The following NOVA1 variants were observed in gnomAD, a reference collection of about 807,000 sequenced individuals.
The protein encoded by NOVA1 is RNA-binding protein Nova-1.
NOVA1 carries 7 observed loss-of-function variants against 38.0 expected under a neutral mutation model. The observed-to-expected ratio is 0.18, with a 90% confidence interval of 0.10 to 0.35. NOVA1 has a LOEUF of 0.35. NOVA1 is among the 10% of genes least tolerant of loss of function. The pLI, the probability that NOVA1 is intolerant of heterozygous loss-of-function variation, is 1.00. For synonymous variants in NOVA1, 270 were observed against 232.5 expected (o/e 1.16, Z -1.47); for missense variants, 460 against 616.0 (o/e 0.75, Z 2.68).
At chr14:26,454,566 A>C (rs1011938234) in intron 4 of NOVA1, among the ~76,000 whole-genome samples, 20 of 152,288 alleles carry the variant, frequency 1.3e-4, no homozygotes, top group Non-Finnish European at 2.2e-4. Flanking sequence ...TCACAGAGGA[A>C]ATACAACTCC....
At chr14:26,458,406 T>C (rs1250287188) in intron 4 of NOVA1, among the ~76,000 whole-genome samples, 1 of 152,076 alleles carries the variant, frequency 6.6e-6, no homozygotes, top group Non-Finnish European at 1.5e-5. Context: ...CTATTCAAAA[T>C]AGCAAAGACA....
intron 2 of NOVA1, among the ~76,000 whole-genome samples, chr14:26,580,793 C>T (rs1478584495): frequency 1.3e-5 from 2 of 151,832 alleles, no homozygotes; most frequent in Non-Finnish European, 2.9e-5. Flanking sequence ...ATTCTATCAC[C>T]TGCATTTTTA....
At chr14:26,501,754 A>T (rs1819585592) in intron 2 of NOVA1, among the ~76,000 whole-genome samples, 1 of 151,984 alleles carries the variant, frequency 6.6e-6, no homozygotes, top group Non-Finnish European at 1.5e-5. Context: ...TTTAAACATT[A>T]ATAACTATTT....
At chr14:26,458,736 A>G (rs138149643) in intron 4 of NOVA1, among the ~76,000 whole-genome samples, 18 of 152,138 alleles carry the variant, frequency 1.2e-4, no homozygotes, top group African/African-American at 4.1e-4. Context: ...ATTTGGGATC[A>G]TTCATACACC....
At chr14:26,480,891 T>A (rs1885404899) in intron 2 of NOVA1, among the ~76,000 whole-genome samples, 1 of 152,024 alleles carries the variant, frequency 6.6e-6, no homozygotes. Flanking sequence ...TTATGAAACT[T>A]GAAATTCACA....
chr14:26,566,451 T>C (rs929709083), intron 2 of NOVA1, among the ~76,000 whole-genome samples: 1 of 152,146 alleles, frequency 6.6e-6, no homozygotes, highest in African/African-American at 2.4e-5. Context: ...TCTTTAAGAA[T>C]ACATCCTTCT....
At chr14:26,581,366 C>T (rs1355322537) in intron 2 of NOVA1, among the ~76,000 whole-genome samples, 2 of 151,872 alleles carry the variant, frequency 1.3e-5, no homozygotes, top group Non-Finnish European at 2.9e-5. Context: ...ATCTATAATT[C>T]AACAAATCTT....
chr14:26,555,625 T>C, intron 2 of NOVA1, among the ~76,000 whole-genome samples: 1 of 152,118 alleles, frequency 6.6e-6, no homozygotes, highest in East Asian at 1.9e-4. Context: ...TACAAGTAAA[T>C]TTTAAAGTGT....
In NOVA1 at chr14:26,444,425, G is replaced by A. The variant is rs1414157809; in HGVS notation, c.*3534C>T. ...TAACCTCTGTTAACCATCTGAATGC[G>A]ATGGAATAATCTATCTCTACTGTGC... On this transcript the variant is annotated 3_prime_UTR_variant, in exon 5 of 5. Coordinates refer to ENST00000539517, the MANE Select transcript of NOVA1 (RefSeq NM_002515.3). 4 of 152,064 alleles carry A rather than the reference G, an allele frequency of 2.6e-5. No homozygotes were observed. The highest frequency in any genetic ancestry group is 5.9e-5 in the Non-Finnish European group (4 of 68,000). 9.4% of individuals were successfully genotyped at this position (152,064 alleles called of 1,614,324 possible).
At chr14:26,509,121 C>G (rs1343151885) in intron 2 of NOVA1, among the ~76,000 whole-genome samples, 3 of 152,100 alleles carry the variant, frequency 2.0e-5, no homozygotes, top group East Asian at 3.9e-4. Flanking sequence ...CAGAATATCG[C>G]CTTATATTAG....
At chr14:26,552,141 T>C (rs1288182880) in intron 2 of NOVA1, among the ~76,000 whole-genome samples, 1 of 152,104 alleles carries the variant, frequency 6.6e-6, no homozygotes, top group African/African-American at 2.4e-5. Flanking sequence ...GTTCCATTAA[T>C]GTATTCACAC....
chr14:26,513,185 C>T (rs1888219129), intron 2 of NOVA1, among the ~76,000 whole-genome samples: 1 of 151,876 alleles, frequency 6.6e-6, no homozygotes, highest in Non-Finnish European at 1.5e-5. Context: ...AAAAGCGATT[C>T]AGCATTTAGC....
intron 2 of NOVA1, among the ~76,000 whole-genome samples, chr14:26,562,010 A>G (rs145171212): frequency 3.7e-3 from 562 of 152,254 alleles, no homozygotes; most frequent in Non-Finnish European, 5.3e-3. Context: ...TCTTCACTCT[A>G]TAAGTTATAA....
chr14:26,491,664 T>C (rs1886359790), intron 2 of NOVA1, among the ~76,000 whole-genome samples: 1 of 152,230 alleles, frequency 6.6e-6, no homozygotes, highest in Admixed American at 6.5e-5. Flanking sequence ...CTCTTGCATG[T>C]GGAAATCCAG....
rs920535355 is a variant in NOVA1 at position 26,444,577 on chromosome 14, A to G, written c.*3382T>C. ...GATCTATTGTAAGCAATGAGTCGAA[A>G]TGAGCCGTTACAGGTTAGAATTTAT... is the stretch of plus-strand genomic sequence containing the variant. On this transcript the variant is annotated 3_prime_UTR_variant, in exon 5 of 5. Transcript: ENST00000539517. 1.3e-5 allele frequency: 2 copies of G among 152,148 alleles called. No individual in the cohort carries two copies. The highest frequency in any genetic ancestry group is 2.9e-5 in the Non-Finnish European group (2 of 68,016). The allele number at this position is 152,148 out of a possible 1,614,324, so 9.4% of individuals were successfully genotyped here.
chr14:26,586,180 T>C (rs536560834), intron 2 of NOVA1, among the ~76,000 whole-genome samples: 8 of 151,490 alleles, frequency 5.3e-5, no homozygotes, highest in African/African-American at 1.9e-4. Context: ...TTTGTTTTAA[T>C]TTAACACTGT....
intron 2 of NOVA1, among the ~76,000 whole-genome samples, chr14:26,527,842 C>T (rs1444794832): frequency 1.3e-5 from 2 of 152,196 alleles, no homozygotes; most frequent in African/African-American, 4.8e-5. Context: ...AACTACCCAG[C>T]AGTGAGCAGA....
At chr14:26,588,720 T>C (rs1310863173) in intron 2 of NOVA1, among the ~76,000 whole-genome samples, 1 of 151,558 alleles carries the variant, frequency 6.6e-6, no homozygotes, top group Non-Finnish European at 1.5e-5. Context: ...AATTTTAAAG[T>C]ATTTTTATAT....
At chr14:26,557,804 T>A (rs2138670145) in intron 2 of NOVA1, among the ~76,000 whole-genome samples, 1 of 152,070 alleles carries the variant, frequency 6.6e-6, no homozygotes, top group South Asian at 2.1e-4. Flanking sequence ...ACACGAAAAC[T>A]TGCACACAAA....
Sources: allele counts gnomAD v4.1 joint callset (sites outside exome capture counted in the v4.1 genomes callset), GRCh38; gene constraint gnomAD v4.1.1; transcripts MANE v1.5; gene names NCBI Gene and HGNC (gene_info 2026-07-23, HGNC 2026-07-21).